CFDP1: variants seen among roughly 807,000 people sequenced by gnomAD.
CFDP1 encodes the protein chromatin remodeling protein CFDP1, also known as heterochromatin-stabilizing protein CFDP1.
A neutral mutation model predicts 40.1 loss-of-function variants in CFDP1; 31 were observed. That is an observed-to-expected ratio of 0.77 (90% CI 0.58 to 1.04). The LOEUF (loss-of-function observed/expected upper bound fraction) is 1.04, where lower values mean the gene tolerates loss of function less well. CFDP1 is among the 50% of genes least tolerant of loss of function. The pLI is 0.00. For synonymous variants in CFDP1, 167 were observed against 120.0 expected, an observed-to-expected ratio of 1.39 and a Z score of -2.56; for missense variants, 423 against 343.4, an observed-to-expected ratio of 1.23 and a Z score of -1.83.
At chr16:75,405,707 G>A (rs529612068) in intron 4 of CFDP1, among the ~76,000 whole-genome samples, 1 of 147,228 alleles carries the variant, frequency 6.8e-6, no homozygotes, top group Non-Finnish European at 1.5e-5. Flanking sequence ...CTGAGATTGT[G>A]TCATTGCACT....
intron 5 of CFDP1, among the ~76,000 whole-genome samples, chr16:75,351,318 T>C (rs1193348620): frequency 6.6e-6 from 1 of 152,204 alleles, no homozygotes; most frequent in Non-Finnish European, 1.5e-5. Context: ...ACTGGCATTC[T>C]TATCCCTAAT....
chr16:75,310,343 CT>C (rs1370217529), intron 5 of CFDP1, among the ~76,000 whole-genome samples: 1 of 152,170 alleles, frequency 6.6e-6, no homozygotes, highest in South Asian at 2.1e-4. Flanking sequence ...CAATTATCAA[CT>C]CCCTTCCCAC....
chr16:75,418,062 T>C (rs1597399695), intron 1 of CFDP1, among the ~76,000 whole-genome samples: 2 of 152,040 alleles, frequency 1.3e-5, no homozygotes, highest in South Asian at 4.2e-4. Flanking sequence ...GAGACCAGTC[T>C]GGCCAACACA....
At chr16:75,426,208 G>C (rs2079341348) in intron 1 of CFDP1, among the ~76,000 whole-genome samples, 1 of 151,794 alleles carries the variant, frequency 6.6e-6, no homozygotes, top group South Asian at 2.1e-4. Context: ...AAATTAGCCA[G>C]GCGTGGTGGC....
At chr16:75,339,762 G>A (rs1237113667) in intron 5 of CFDP1, among the ~76,000 whole-genome samples, 2 of 152,154 alleles carry the variant, frequency 1.3e-5, no homozygotes, top group Admixed American at 6.5e-5. Flanking sequence ...GGGCATACAT[G>A]TGATGCATGT....
Position 75,293,833 on chromosome 16 carries a change from G to GAAA in CFDP1, c.*116_*118dup. 1.5e-6 allele frequency: 1 copy of GAAA among 659,288 alleles called. No individual in the cohort carries two copies. The highest frequency in any genetic ancestry group is 3.1e-5 in the Admixed American group (1 of 32,588). 40.8% of individuals were successfully genotyped at this position (659,288 alleles called of 1,614,324 possible). A position where few individuals can be genotyped will look rare whatever the true frequency, so the allele number is the denominator to read the frequency against. The stretch of plus-strand genomic sequence containing the variant: ...GATACATAGACAGAACTTCAATGTA[G>GAAA]AAAAAAAAAAGACCTTGCTGGGAAA... On this transcript the variant is annotated 3_prime_UTR_variant, in exon 7 of 7. Transcript: ENST00000283882.
chr16:75,394,500 A>C (rs1225440082), intron 5 of CFDP1, among the ~76,000 whole-genome samples: 1 of 152,166 alleles, frequency 6.6e-6, no homozygotes, highest in Non-Finnish European at 1.5e-5. Context: ...TGTTCATCGC[A>C]AATCTTCATG....
At chr16:75,329,158 G>T (rs573015192) in intron 5 of CFDP1, among the ~76,000 whole-genome samples, 1 of 152,110 alleles carries the variant, frequency 6.6e-6, no homozygotes, top group South Asian at 2.1e-4. Flanking sequence ...GCCAACTTTT[G>T]TATTTTTAGT....
chr16:75,340,188 G>T (rs528425603), intron 5 of CFDP1, among the ~76,000 whole-genome samples: 4 of 152,244 alleles, frequency 2.6e-5, no homozygotes, highest in Non-Finnish European at 4.4e-5. Context: ...ACATTTCCAG[G>T]ACCGCAATGC....
chr16:75,314,664 C>G (rs994122848), intron 5 of CFDP1, among the ~76,000 whole-genome samples: 9 of 152,174 alleles, frequency 5.9e-5, no homozygotes, highest in Non-Finnish European at 1.2e-4. Context: ...TGATAAATGA[C>G]TACTCTTTCT....
chr16:75,361,841 G>A (rs1224295638), intron 5 of CFDP1, among the ~76,000 whole-genome samples: 13 of 151,998 alleles, frequency 8.6e-5, no homozygotes, highest in Non-Finnish European at 7.4e-5. Flanking sequence ...TTTCCTCTTT[G>A]GGTCCCAGGT....
At chr16:75,327,557 AG>A (rs1163188878) in intron 5 of CFDP1, among the ~76,000 whole-genome samples, 1 of 152,150 alleles carries the variant, frequency 6.6e-6, no homozygotes, top group Non-Finnish European at 1.5e-5. Flanking sequence ...AGTATTCAGA[AG>A]GATTTTATGG....
intron 5 of CFDP1, among the ~76,000 whole-genome samples, chr16:75,371,807 CG>C (rs1442646447): frequency 1.3e-5 from 2 of 152,096 alleles, no homozygotes; most frequent in Non-Finnish European, 2.9e-5. Context: ...AATCTATATA[CG>C]TTTTTAATAG....
intron 6 of CFDP1, among the ~76,000 whole-genome samples, chr16:75,295,019 A>T (rs767727066): frequency 2.6e-5 from 4 of 152,218 alleles, no homozygotes; most frequent in Non-Finnish European, 4.4e-5. Flanking sequence ...TAATCTATGG[A>T]GAGAGCAAAA....
chr16:75,320,167 A>G (rs1173278848), intron 5 of CFDP1, among the ~76,000 whole-genome samples: 1 of 152,208 alleles, frequency 6.6e-6, no homozygotes, highest in Non-Finnish European at 1.5e-5. Flanking sequence ...TCATTCAGAA[A>G]TGTAGTTTGT....
chr16:75,338,292 G>A (rs1055340060), intron 5 of CFDP1, among the ~76,000 whole-genome samples: 1 of 152,154 alleles, frequency 6.6e-6, no homozygotes, highest in African/African-American at 2.4e-5. Context: ...GTGTTTCCAG[G>A]GGACCACTGG....
chr16:75,404,015 C>G (rs1227713823), intron 4 of CFDP1, among the ~76,000 whole-genome samples: 1 of 151,568 alleles, frequency 6.6e-6, no homozygotes, highest in Non-Finnish European at 1.5e-5. Context: ...GCCTGTAATC[C>G]CAGCTACTCG....
rs1199033775 is a variant in CFDP1, at chr16:75,327,011, C to A, written c.651-21829G>T. The stretch of plus-strand genomic sequence containing the variant: ...ATAGGCCGGGCGCAGTGGCTGACGC[C>A]TGTAATCCCAGCACTTTGGGAGGCC... On this transcript the variant is annotated intron_variant, in intron 5 of 6. Transcript: ENST00000283882. 3.9e-5 allele frequency among the ~76,000 whole-genome samples: 6 copies of A among 152,330 alleles called. No homozygotes were observed. In the South Asian group the frequency reaches 1.0e-3, roughly 26 times the overall value.
chr16:75,410,165 ATTTTT>A (rs140429028), intron 4 of CFDP1, among the ~76,000 whole-genome samples: 165 of 150,420 alleles, frequency 1.1e-3, no homozygotes, highest in African/African-American at 3.9e-3. Context: ...TGAAAACATT[ATTTTT>A]AAGAATAACA....
Sources: gnomAD v4.1 joint callset for allele counts (sites outside exome capture counted in the v4.1 genomes callset) on GRCh38, gnomAD v4.1.1 for gene constraint, MANE v1.5 for transcripts, NCBI Gene and HGNC (gene_info 2026-07-23, HGNC 2026-07-21) for gene names.